SLC49A4: variants seen among roughly 807,000 people sequenced by gnomAD.
SLC49A4 encodes solute carrier family 49 member 4, also known as disrupted in renal cancer protein 2.
SLC49A4 carries 36 observed loss-of-function variants against 50.6 expected under a neutral mutation model. The ratio of observed to expected loss-of-function variants is 0.71; its 90% CI spans 0.55 to 0.94. The LOEUF (loss-of-function observed/expected upper bound fraction) is 0.94. Ranked by LOEUF, SLC49A4 falls within the 40% of genes least tolerant of loss-of-function variation. SLC49A4 has a pLI of 0.00. For synonymous variants in SLC49A4, 248 were observed against 241.2 expected (o/e 1.03, Z -0.26); for missense variants, 503 against 605.7 (o/e 0.83, Z 1.78).
intron 7 of SLC49A4, 32 bp from the exon 8 acceptor site, chr3:122,872,383 G>A (rs147365074): frequency 0.04 from 63,666 of 1,574,646 alleles, 1,454 homozygotes; most frequent in Non-Finnish European, 0.046. Flanking sequence ...TGCCGCTAGT[G>A]TGAAACTAAA....
intron 7 of SLC49A4, among the ~76,000 whole-genome samples, chr3:122,869,223 A>ACCCC (rs5852316): frequency 4.0e-5 from 6 of 150,778 alleles, no homozygotes; most frequent in African/African-American, 1.5e-4. Context: ...CTCTCCTGTG[A>ACCCC]CCCCCCCCAG....
At chr3:122,878,877 T>C (rs1393799929) in intron 8 of SLC49A4, among the ~76,000 whole-genome samples, 1 of 152,242 alleles carries the variant, frequency 6.6e-6, no homozygotes, top group Non-Finnish European at 1.5e-5. Flanking sequence ...TATTTGTCTT[T>C]TTAATCCATC....
intron 3 of SLC49A4, among the ~76,000 whole-genome samples, chr3:122,832,676 G>A (rs1936622688): frequency 6.6e-6 from 1 of 151,820 alleles, no homozygotes; most frequent in Non-Finnish European, 1.5e-5. Flanking sequence ...TTATAGTAAG[G>A]TACTGTTGGC....
chr3:122,862,748 TATAAG>T (rs1937072749), intron 7 of SLC49A4, among the ~76,000 whole-genome samples: 1 of 152,248 alleles, frequency 6.6e-6, no homozygotes, highest in Non-Finnish European at 1.5e-5. Flanking sequence ...GAATTTTTAT[TATAAG>T]ATAGTACATT....
chr3:122,853,928 T>A (rs1445467820), intron 5 of SLC49A4, among the ~76,000 whole-genome samples: 3 of 152,364 alleles, frequency 2.0e-5, no homozygotes, highest in Non-Finnish European at 2.9e-5. Context: ...AGCAATTTTT[T>A]AAATTTTTAA....
chr3:122,870,372 TATTATTATC>T (rs1394877860), intron 7 of SLC49A4, among the ~76,000 whole-genome samples: 6 of 151,318 alleles, frequency 4.0e-5, no homozygotes, highest in African/African-American at 1.5e-4. Context: ...AAAACTTTAT[TATTATTATC>T]ATTATTATTA....
intron 2 of SLC49A4, among the ~76,000 whole-genome samples, chr3:122,819,128 C>G (rs1217926903): frequency 2.6e-5 from 4 of 151,408 alleles, no homozygotes; most frequent in African/African-American, 4.9e-5. Context: ...GCCTGTAGTC[C>G]CAGCTACTTG....
intron 8 of SLC49A4, among the ~76,000 whole-genome samples, chr3:122,875,285 G>A (rs1937251292): frequency 1.3e-5 from 2 of 152,126 alleles, no homozygotes; most frequent in Non-Finnish European, 2.9e-5. Flanking sequence ...TTTGAAACTT[G>A]AAAACTCACC....
At chr3:122,856,435 A>ATCTT in intron 6 of SLC49A4, 61 bp downstream of exon 6, 1 of 1,404,094 alleles carries the variant, frequency 7.1e-7, no homozygotes, top group Non-Finnish European at 1.0e-6. Flanking sequence ...CTAAAGATAA[A>ATCTT]TAGGCTCCCC....
At position 122,863,174 on chromosome 3, in the gene SLC49A4, C is replaced by T. The variant is rs574796173; in HGVS notation, c.1138+2972C>T. 4.6e-5 allele frequency among the ~76,000 whole-genome samples: 7 copies of T among 152,320 alleles called. No individual in the cohort carries two copies. In the South Asian group the frequency reaches 1.4e-3, roughly 32 times the overall value. ...AAGATGTATTTTTACCTTACAAGCA[C>T]ACTGGGTTACGGACTAGATTTGTCC... On this transcript the variant is annotated intron_variant, in intron 7 of 8. Transcript: ENST00000261038.
At chr3:122,846,383 C>A (rs1936850108) in intron 5 of SLC49A4, among the ~76,000 whole-genome samples, 1 of 151,896 alleles carries the variant, frequency 6.6e-6, no homozygotes, top group Admixed American at 6.5e-5. Flanking sequence ...GAAGAGAACA[C>A]ACTGCTGTGA....
At chr3:122,856,417 G>C (rs1404195678) in intron 6 of SLC49A4, 43 bp downstream of exon 6, 1 of 1,555,872 alleles carries the variant, frequency 6.4e-7, no homozygotes, top group South Asian at 1.1e-5. Context: ...AGAGCAGGGG[G>C]AAAAAGCCTA....
chr3:122,872,379 T>C, intron 7 of SLC49A4, 36 bp from the exon 8 acceptor site: 1 of 1,545,434 alleles, frequency 6.5e-7, no homozygotes, highest in Non-Finnish European at 8.9e-7. Flanking sequence ...TCACTGCCGC[T>C]AGTGTGAAAC....
chr3:122,872,274 T>C lies in SLC49A4; in HGVS notation c.1139-141T>C, dbSNP rs1399085748. The C allele has an allele frequency of 5.7e-6, 4 of 702,172 alleles. No homozygotes were observed. In the African/African-American group the frequency reaches 7.2e-5, roughly 13 times the overall value. The allele number at this position is 702,172 out of a possible 1,614,324, so 43.5% of individuals were successfully genotyped here. ...CAGCAAAGAGCTGGCAGATGTGTGA[T>C]GCTTTGTCAAACTTTATCAACTACC... On this transcript the variant is annotated intron_variant, in intron 7 of 8. Coordinates refer to ENST00000261038, the MANE Select transcript of SLC49A4 (RefSeq NM_032839.3).
At chr3:122,847,735 A>G (rs1164524760) in intron 5 of SLC49A4, among the ~76,000 whole-genome samples, 3 of 152,146 alleles carry the variant, frequency 2.0e-5, no homozygotes, top group African/African-American at 4.8e-5. Flanking sequence ...TCTCAAATAT[A>G]GATACATAAA....
chr3:122,842,565 A>G (rs1936787696), intron 4 of SLC49A4, among the ~76,000 whole-genome samples: 1 of 151,226 alleles, frequency 6.6e-6, no homozygotes, highest in African/African-American at 2.4e-5. Context: ...GATTGGGGTC[A>G]TATTATGACG....
At position 122,807,194 on chromosome 3, in the gene SLC49A4, T is replaced by C. The variant is rs1936231638; in HGVS notation, c.437+244T>C. On this transcript the variant is annotated intron_variant, in intron 2 of 8. Coordinates refer to ENST00000261038, the MANE Select transcript of SLC49A4 (RefSeq NM_032839.3). ...ATCATGTGAAAATAATAGTATAACA[T>C]ACCATTTGTAAGTATAATAATATAA... 2.0e-5 allele frequency among the ~76,000 whole-genome samples: 3 copies of C among 148,758 alleles called. No homozygotes were observed. The Admixed American group carries it at 2.0e-4, about 10-fold the overall frequency.
At chr3:122,858,478 C>T (rs1364887351) in intron 6 of SLC49A4, among the ~76,000 whole-genome samples, 1 of 152,134 alleles carries the variant, frequency 6.6e-6, no homozygotes, top group Non-Finnish European at 1.5e-5. Flanking sequence ...ACTTTTTCAG[C>T]ATACCTAAGA....
intron 2 of SLC49A4, among the ~76,000 whole-genome samples, chr3:122,821,512 A>T (rs1936452114): frequency 6.6e-6 from 1 of 152,156 alleles, no homozygotes; most frequent in Admixed American, 6.5e-5. Context: ...TCACAGCTTG[A>T]CCTGCAGAGG....
Sources: allele counts gnomAD v4.1 joint callset (sites outside exome capture counted in the v4.1 genomes callset), GRCh38; gene constraint gnomAD v4.1.1; transcripts MANE v1.5; gene names NCBI Gene and HGNC (gene_info 2026-07-23, HGNC 2026-07-21).